Variants in HIBADH observed in about 807,000 individuals in gnomAD.
HIBADH encodes 3-hydroxyisobutyrate dehydrogenase, also known as 3-hydroxyisobutyrate dehydrogenase, mitochondrial.
HIBADH carries 25 observed loss-of-function variants against 36.1 expected under a neutral mutation model. That is an observed-to-expected ratio of 0.69 (90% CI 0.50 to 0.97). The LOEUF is 0.97. Ranked by LOEUF, HIBADH falls within the 50% of genes least tolerant of loss-of-function variation. The pLI, the probability that HIBADH is intolerant of heterozygous loss-of-function variation, is 0.00. For missense variants in HIBADH, 421 were observed against 418.0 expected, an observed-to-expected ratio of 1.01 and a Z score of -0.06; for synonymous variants, 160 against 149.5, an observed-to-expected ratio of 1.07 and a Z score of -0.51.
At chr7:27,649,707 G>A in intron 1 of HIBADH, 74 bp from the exon 2 acceptor site, 2 of 1,335,008 alleles carry the variant, frequency 1.5e-6, no homozygotes, top group South Asian at 3.2e-5. Context: ...ATATTAGCAA[G>A]TCAATTGTTA....
intron 1 of HIBADH, among the ~76,000 whole-genome samples, chr7:27,651,397 C>CA (rs1786192839): frequency 6.6e-6 from 1 of 151,918 alleles, no homozygotes; most frequent in African/African-American, 2.4e-5. Context: ...TATAGTTTGT[C>CA]TTTCTGGCCT....
chr7:27,637,616 A>C (rs1346863654), intron 2 of HIBADH, among the ~76,000 whole-genome samples: 2 of 152,192 alleles, frequency 1.3e-5, no homozygotes, highest in Non-Finnish European at 2.9e-5. Flanking sequence ...GGCAAGAAAT[A>C]AAAGGCATTC....
At chr7:27,576,609 A>C (rs144335432) in intron 4 of HIBADH, among the ~76,000 whole-genome samples, 1 of 152,184 alleles carries the variant, frequency 6.6e-6, no homozygotes, top group African/African-American at 2.4e-5. Flanking sequence ...TGAAGAACCT[A>C]TTTACCCTAA....
chr7:27,640,645 T>G (rs1030299154), intron 2 of HIBADH, among the ~76,000 whole-genome samples: 2 of 152,222 alleles, frequency 1.3e-5, no homozygotes, highest in Admixed American at 6.5e-5. Context: ...GAATAAACTC[T>G]ATACCTAATC....
At chr7:27,645,218 G>C (rs1438534038) in intron 2 of HIBADH, among the ~76,000 whole-genome samples, 1 of 151,884 alleles carries the variant, frequency 6.6e-6, no homozygotes, top group Non-Finnish European at 1.5e-5. Context: ...TTAATTATTT[G>C]AGGAACTCCC....
chr7:27,654,425 T>G (rs1032992017), intron 1 of HIBADH, among the ~76,000 whole-genome samples: 1 of 151,920 alleles, frequency 6.6e-6, no homozygotes, highest in Non-Finnish European at 1.5e-5. Flanking sequence ...GAAAACCATA[T>G]TAAGATGCAT....
chr7:27,606,967 C>G (rs373112501), intron 4 of HIBADH, among the ~76,000 whole-genome samples: 1 of 152,140 alleles, frequency 6.6e-6, no homozygotes, highest in Non-Finnish European at 1.5e-5. Context: ...ACCCCCACCC[C>G]CTAACCCTTG....
At chr7:27,646,600 C>A (rs1786075900) in intron 2 of HIBADH, among the ~76,000 whole-genome samples, 1 of 151,748 alleles carries the variant, frequency 6.6e-6, no homozygotes, top group South Asian at 2.1e-4. Context: ...ACACAGCTCA[C>A]TGCAGCCTCA....
chr7:27,544,965 C>T (rs1244837296), intron 4 of HIBADH, among the ~76,000 whole-genome samples: 1 of 152,232 alleles, frequency 6.6e-6, no homozygotes, highest in Non-Finnish European at 1.5e-5. Flanking sequence ...GGTAGTTCGA[C>T]TCTTTCCTCA....
chr7:27,564,569 A>C (rs924332812), intron 4 of HIBADH, among the ~76,000 whole-genome samples: 7 of 152,242 alleles, frequency 4.6e-5, no homozygotes, highest in African/African-American at 1.4e-4. Flanking sequence ...CTTTGAAGTA[A>C]GTATGAAAAT....
rs141070322 is a variant in HIBADH at position 27,527,483 on chromosome 7, G to A, written c.853-1111C>T. Among the ~76,000 whole-genome samples the A allele has an allele frequency of 2.1e-3, 315 of 152,254 alleles. 1 individual carries two copies. The highest frequency in any genetic ancestry group is 7.3e-3 in the African/African-American group (305 of 41,546). On this transcript the variant is annotated intron_variant, in intron 7 of 7. Coordinates refer to ENST00000265395, the MANE Select transcript of HIBADH (RefSeq NM_152740.4). ...TATTCAAGAAGCAGAATGAACAAAC[G>A]TCATGGGGAATGAGGGAGAGTAAGC...
intron 1 of HIBADH, among the ~76,000 whole-genome samples, chr7:27,650,306 T>G (rs1786159889): frequency 6.6e-6 from 1 of 151,104 alleles, no homozygotes; most frequent in African/African-American, 2.4e-5. Context: ...AAAAAGATGT[T>G]AAACCCAGGA....
chr7:27,601,692 T>G (rs1344213949), intron 4 of HIBADH, among the ~76,000 whole-genome samples: 1 of 152,144 alleles, frequency 6.6e-6, no homozygotes, highest in Non-Finnish European at 1.5e-5. Flanking sequence ...TAAGGTATTC[T>G]GGCTTTTTAA....
chr7:27,557,626 C>A (rs1302391951), intron 4 of HIBADH, among the ~76,000 whole-genome samples: 1 of 152,120 alleles, frequency 6.6e-6, no homozygotes, highest in African/African-American at 2.4e-5. Flanking sequence ...TGCTGTATCC[C>A]CTCCAGAGGG....
rs534825758 is a variant in HIBADH, at chr7:27,557,833, C to T, written c.485-14733G>A. On this transcript the variant is annotated intron_variant, in intron 4 of 7. Transcript: ENST00000265395. ...ATTAACACCTGAATTTTGGAGAGGA[C>T]ACATTCAAACCGTAGCACAATATAC... Among the ~76,000 whole-genome samples, 5 of 152,318 alleles carry T rather than the reference C, an allele frequency of 3.3e-5. No individual in the cohort carries two copies. The South Asian group carries it at 1.0e-3, about 32-fold the overall frequency.
chr7:27,530,189 G>A (rs1033481472), intron 7 of HIBADH, among the ~76,000 whole-genome samples: 1 of 142,856 alleles, frequency 7.0e-6, no homozygotes, highest in African/African-American at 2.7e-5. Flanking sequence ...TGGTATCTAG[G>A]TATATGTATT....
chr7:27,571,113 C>A (rs748946184), intron 4 of HIBADH, among the ~76,000 whole-genome samples: 3 of 152,156 alleles, frequency 2.0e-5, no homozygotes, highest in African/African-American at 7.2e-5. Flanking sequence ...AATTCTCTCT[C>A]TTCTGCTCCC....
At chr7:27,558,359 G>C (rs553317630) in intron 4 of HIBADH, among the ~76,000 whole-genome samples, 1 of 151,976 alleles carries the variant, frequency 6.6e-6, no homozygotes, top group Non-Finnish European at 1.5e-5. Context: ...ACAGGGTCTC[G>C]CTCGGTCACC....
chr7:27,531,875 G>A (rs1408854577), intron 6 of HIBADH, among the ~76,000 whole-genome samples: 1 of 150,562 alleles, frequency 6.6e-6, no homozygotes, highest in Non-Finnish European at 1.5e-5. Context: ...GCCAGGAGCT[G>A]TAAACGAGCT....
Sources: gnomAD v4.1 joint callset for allele counts (sites outside exome capture counted in the v4.1 genomes callset) on GRCh38, gnomAD v4.1.1 for gene constraint, MANE v1.5 for transcripts, NCBI Gene and HGNC (gene_info 2026-07-23, HGNC 2026-07-21) for gene names.